TAFA2: variants seen among roughly 807,000 people sequenced by gnomAD.
TAFA2 encodes the protein TAFA chemokine like family member 2.
Under a neutral mutation model 18.8 loss-of-function variants are expected in TAFA2, and 7 were observed. That is an observed-to-expected ratio of 0.37 (90% CI 0.21 to 0.70). TAFA2 has a LOEUF of 0.70. Among genes scored for constraint, TAFA2 ranks in the 30% least tolerant of loss-of-function variants. The pLI, the probability that TAFA2 is intolerant of heterozygous loss-of-function variation, is 0.53. For missense variants in TAFA2, 122 were observed against 158.1 expected (o/e 0.77, Z 1.23); for synonymous variants, 60 against 54.2 (o/e 1.11, Z -0.47).
At chr12:61,931,570 C>A (rs1269841776) in intron 1 of TAFA2, among the ~76,000 whole-genome samples, 5 of 152,116 alleles carry the variant, frequency 3.3e-5, no homozygotes, top group Non-Finnish European at 7.4e-5. Context: ...TTGTGAAACT[C>A]TATATAATAC....
intron 1 of TAFA2, among the ~76,000 whole-genome samples, chr12:62,074,461 A>G (rs531864772): frequency 4.6e-5 from 7 of 152,230 alleles, no homozygotes; most frequent in Non-Finnish European, 7.3e-5. Context: ...AATTTATTAA[A>G]ATTAAGTGGT....
At chr12:61,971,080 T>A (rs1302390781) in intron 1 of TAFA2, among the ~76,000 whole-genome samples, 1 of 151,390 alleles carries the variant, frequency 6.6e-6, no homozygotes, top group Non-Finnish European at 1.5e-5. Context: ...TGGGAGGGTA[T>A]GGAAAGCAGG....
chr12:62,164,724 G>C (rs2062427824), intron 1 of TAFA2, among the ~76,000 whole-genome samples: 1 of 152,148 alleles, frequency 6.6e-6, no homozygotes, highest in Non-Finnish European at 1.5e-5. Context: ...GGTTAATTCA[G>C]AGTAGTTTCT....
intron 2 of TAFA2, among the ~76,000 whole-genome samples, chr12:61,828,701 T>C (rs1872610743): frequency 1.3e-5 from 2 of 151,880 alleles, no homozygotes; most frequent in Admixed American, 1.3e-4. Flanking sequence ...AATCAAACTG[T>C]TATCTTGACC....
rs562300308 is a variant in TAFA2 at position 61,864,419 on chromosome 12, T to TATATAC, written c.106+2900_106+2901insGTATAT. On this transcript the variant is annotated intron_variant, in intron 2 of 4. Coordinates refer to ENST00000416284, the MANE Select transcript of TAFA2 (RefSeq NM_178539.5). Reference sequence around the variant, plus strand: ...TGGTGTGTATATATATATTTCTATATATACACACCATATATTTCTATAACT... The same window carrying TATATAC: ...TGGTGTGTATATATATATTTCTATATATATACATACACACCATATATTTCTATAACT... Among the ~76,000 whole-genome samples, 128 of 149,518 alleles carry TATATAC rather than the reference T, an allele frequency of 8.6e-4. 1 individual carries two copies. The highest frequency in any genetic ancestry group is 2.8e-3 in the African/African-American group (116 of 40,880).
chr12:62,053,947 T>C (rs1882121439), intron 1 of TAFA2, among the ~76,000 whole-genome samples: 2 of 152,332 alleles, frequency 1.3e-5, no homozygotes, highest in South Asian at 4.1e-4. Context: ...TTCATTTTTC[T>C]TGGTTGAATG....
At chr12:61,715,968 T>A (rs923029395) in intron 4 of TAFA2, among the ~76,000 whole-genome samples, 12 of 152,186 alleles carry the variant, frequency 7.9e-5, no homozygotes, top group African/African-American at 2.9e-4. Flanking sequence ...ACGACTTTGA[T>A]GTTCCATGAA....
At chr12:61,765,145 GAAGT>G (rs1369419541) in intron 2 of TAFA2, among the ~76,000 whole-genome samples, 1 of 152,056 alleles carries the variant, frequency 6.6e-6, no homozygotes, top group Non-Finnish European at 1.5e-5. Context: ...AATGTGGGCA[GAAGT>G]AAGTTATGCT....
chr12:61,822,424 A>G (rs967731765), intron 2 of TAFA2, among the ~76,000 whole-genome samples: 1 of 152,146 alleles, frequency 6.6e-6, no homozygotes, highest in Non-Finnish European at 1.5e-5. Flanking sequence ...TCCTATTCCA[A>G]TCTACTAAAA....
chr12:62,184,526 ACT>A (rs1244716097), intron 1 of TAFA2, among the ~76,000 whole-genome samples: 8 of 93,512 alleles, frequency 8.6e-5, no homozygotes, highest in Non-Finnish European at 1.7e-4. Flanking sequence ...GCATAGTCTC[ACT>A]CTGTCACCCA....
intron 1 of TAFA2, among the ~76,000 whole-genome samples, chr12:62,216,200 C>T (rs1053027836): frequency 6.6e-6 from 1 of 152,222 alleles, no homozygotes; most frequent in Admixed American, 6.5e-5. Flanking sequence ...CGGGTCCACA[C>T]ACCTATCCAG....
At chr12:62,024,028 A>T (rs957330445) in intron 1 of TAFA2, among the ~76,000 whole-genome samples, 1 of 152,098 alleles carries the variant, frequency 6.6e-6, no homozygotes, top group Admixed American at 6.6e-5. Flanking sequence ...TCAATATTGG[A>T]ATCGGTTGCC....
At chr12:61,897,884 T>C (rs1272065669) in intron 1 of TAFA2, among the ~76,000 whole-genome samples, 1 of 152,218 alleles carries the variant, frequency 6.6e-6, no homozygotes, top group Non-Finnish European at 1.5e-5. Flanking sequence ...AAGTCTCATC[T>C]GAGACAAGGC....
At chr12:62,234,407 C>A in intron 1 of TAFA2, 2 of 703,562 alleles carry the variant, frequency 2.8e-6, no homozygotes, top group South Asian at 1.4e-5. Flanking sequence ...GGAACAGGAC[C>A]GTCCTGCTGT....
intron 1 of TAFA2, among the ~76,000 whole-genome samples, chr12:61,871,977 A>G (rs932099100): frequency 6.6e-6 from 1 of 152,164 alleles, no homozygotes; most frequent in African/African-American, 2.4e-5. Context: ...CTGTAGTCCT[A>G]GCTACTCGGG....
At chr12:62,122,518 A>G (rs1410065028) in intron 1 of TAFA2, among the ~76,000 whole-genome samples, 1 of 152,186 alleles carries the variant, frequency 6.6e-6, no homozygotes, top group Non-Finnish European at 1.5e-5. Flanking sequence ...GGTAGTAGGT[A>G]CTATCATTAT....
chr12:61,863,574 A>C (rs945855332), intron 2 of TAFA2, among the ~76,000 whole-genome samples: 1 of 152,180 alleles, frequency 6.6e-6, no homozygotes, highest in African/African-American at 2.4e-5. Flanking sequence ...TCTTCAAGTA[A>C]GTCTTCTTGG....
At chr12:61,998,377 C>T (rs182329537) in intron 1 of TAFA2, among the ~76,000 whole-genome samples, 1 of 151,958 alleles carries the variant, frequency 6.6e-6, no homozygotes, top group Admixed American at 6.6e-5. Flanking sequence ...CTCCCCTTAC[C>T]CTCATCTTAA....
At chr12:62,224,485 G>A (rs1159757982) in intron 1 of TAFA2, among the ~76,000 whole-genome samples, 1 of 151,980 alleles carries the variant, frequency 6.6e-6, no homozygotes, top group East Asian at 1.9e-4. Context: ...GCTCTCTGAG[G>A]TCTCTTAATA....
Sources: allele counts gnomAD v4.1 joint callset (sites outside exome capture counted in the v4.1 genomes callset), GRCh38; gene constraint gnomAD v4.1.1; transcripts MANE v1.5; gene names NCBI Gene and HGNC (gene_info 2026-07-23, HGNC 2026-07-21).